NEMP1: variants seen among roughly 807,000 people sequenced by gnomAD.
NEMP1 encodes the protein transmembrane protein 194.
Under a neutral mutation model 53.7 loss-of-function variants are expected in NEMP1, and 29 were observed. The observed-to-expected ratio is 0.54, with a 90% confidence interval of 0.40 to 0.74. NEMP1 has a LOEUF of 0.74. Ranked by LOEUF, NEMP1 falls within the 30% of genes least tolerant of loss-of-function variation. NEMP1 has a pLI of 0.00. For synonymous variants in NEMP1, 193 were observed against 192.9 expected (o/e 1.00, Z 0.00); for missense variants, 477 against 528.6 (o/e 0.90, Z 0.96).
At position 57,060,964 on chromosome 12, in the gene NEMP1, C is replaced by A. The variant is rs778102607; in HGVS notation, c.981-19G>T. 6.2e-7 allele frequency: 1 copy of A among 1,606,876 alleles called. No individual in the cohort carries two copies. Among genetic ancestry groups the A allele is most frequent in the East Asian group, 2.2e-5 (1 of 44,850 alleles). Reference sequence around the variant, plus strand: ...CACCTTTCTGTGCTCACCAAAATAACATTATGAATCATTAATCAGTAATCT... The same window carrying A: ...CACCTTTCTGTGCTCACCAAAATAAAATTATGAATCATTAATCAGTAATCT... On this transcript the variant is annotated intron_variant, in intron 7 of 8. Transcript: ENST00000300128.
At chr12:57,073,901 C>A (rs1358526742) in intron 1 of NEMP1, among the ~76,000 whole-genome samples, 2 of 152,188 alleles carry the variant, frequency 1.3e-5, no homozygotes, top group African/African-American at 4.8e-5. Flanking sequence ...GTAAGCTAAA[C>A]TACTCCATCT....
intron 2 of NEMP1, among the ~76,000 whole-genome samples, chr12:57,072,524 C>CA (rs2032402896): frequency 6.6e-6 from 1 of 152,210 alleles, no homozygotes; most frequent in South Asian, 2.1e-4. Flanking sequence ...GACAAGAAAA[C>CA]AAAGCAGTTT....
intron 1 of NEMP1, among the ~76,000 whole-genome samples, chr12:57,077,264 G>A (rs1440451109): frequency 6.6e-6 from 1 of 151,280 alleles, no homozygotes; most frequent in Non-Finnish European, 1.5e-5. Context: ...CCTGGGAGGC[G>A]GAGCTTGCAG....
rs1417324379 is a variant in NEMP1 at position 57,059,793 on chromosome 12, T to C, written c.*86A>G. The C allele has an allele frequency of 1.6e-6, 2 of 1,251,062 alleles. No individual in the cohort carries two copies. Among genetic ancestry groups the C allele is most frequent in the Non-Finnish European group, 2.2e-6 (2 of 893,214 alleles). 77.5% of individuals were successfully genotyped at this position (1,251,062 alleles called of 1,614,324 possible). ...TTTCTACCCTATCTATCTCACTCTGTTTCAAAGGGTTGAAAGCAATTGCAC... is the reference window on the plus strand; with the variant it reads ...TTTCTACCCTATCTATCTCACTCTGCTTCAAAGGGTTGAAAGCAATTGCAC... On this transcript the variant is annotated 3_prime_UTR_variant, in exon 9 of 9. Transcript: ENST00000300128.
At position 57,061,093 on chromosome 12, in the gene NEMP1, T is replaced by C; in HGVS notation, c.981-148A>G. ...TAAAAATTCCATGGACATCTTTAGTTATAATGAACTCCTGATACATTAGAC... is the reference window on the plus strand; with the variant it reads ...TAAAAATTCCATGGACATCTTTAGTCATAATGAACTCCTGATACATTAGAC... On this transcript the variant is annotated intron_variant, in intron 7 of 8. Transcript: ENST00000300128. The C allele has an allele frequency of 4.2e-6, 3 of 712,900 alleles. No homozygotes were observed. In the South Asian group the frequency reaches 6.2e-5, roughly 15 times the overall value. 44.2% of individuals were successfully genotyped at this position (712,900 alleles called of 1,614,324 possible).
chr12:57,085,825 T>C (rs953826845), intron 1 of NEMP1, among the ~76,000 whole-genome samples: 2 of 152,202 alleles, frequency 1.3e-5, no homozygotes, highest in African/African-American at 4.8e-5. Flanking sequence ...GGAAAACAAA[T>C]GTCTTCACTT....
chr12:57,084,926 T>C (rs2032947667), intron 1 of NEMP1, among the ~76,000 whole-genome samples: 1 of 152,194 alleles, frequency 6.6e-6, no homozygotes, highest in Non-Finnish European at 1.5e-5. Flanking sequence ...TAGTGGACAA[T>C]AATAGATTGG....
At chr12:57,085,381 C>T (rs2032962240) in intron 1 of NEMP1, among the ~76,000 whole-genome samples, 1 of 152,134 alleles carries the variant, frequency 6.6e-6, no homozygotes, top group Non-Finnish European at 1.5e-5. Flanking sequence ...TCATCACCTC[C>T]TTTGGATGCC....
In NEMP1 at chr12:57,085,599, T is replaced by C. The variant is rs74093953; in HGVS notation, n.113+2352A>G. 1.8e-3 allele frequency among the ~76,000 whole-genome samples: 270 copies of C among 152,342 alleles called. 1 individual carries two copies. The highest frequency in any genetic ancestry group is 6.4e-3 in the African/African-American group (264 of 41,558). On this transcript the variant is annotated intron_variant and non_coding_transcript_variant, in intron 1 of 2. Coordinates refer to the NEMP1 transcript ENST00000553654. The stretch of plus-strand genomic sequence containing the variant: ...AAACATTTCTTGTAAAATAACTAAC[T>C]TGAAGGACAACATTCCTTAGATGAT...
In NEMP1 at chr12:57,064,927, A is replaced by C. The variant is rs7315594; in HGVS notation, c.546-188T>G. 5.8e-4 allele frequency among the ~76,000 whole-genome samples: 89 copies of C among 152,342 alleles called. No homozygotes were observed. The South Asian group carries it at 0.011, about 18-fold the overall frequency. ...ACCAAATATTGCAATTGCAGTAAGT[A>C]AGTCACACAAATTTTTTGGTTTCCC... is the stretch of plus-strand genomic sequence containing the variant. On this transcript the variant is annotated intron_variant, in intron 4 of 8. Transcript: ENST00000300128.
chr12:57,062,543 G>A (rs1341352742), intron 7 of NEMP1, among the ~76,000 whole-genome samples: 1 of 151,748 alleles, frequency 6.6e-6, no homozygotes, highest in Non-Finnish European at 1.5e-5. Flanking sequence ...TACAATTTGT[G>A]GCGGGGCGCA....
intron 1 of NEMP1, among the ~76,000 whole-genome samples, chr12:57,075,689 A>C (rs1488933744): frequency 1.3e-5 from 2 of 150,628 alleles, no homozygotes; most frequent in African/African-American, 4.9e-5. Flanking sequence ...AAATAAGGCC[A>C]GGCACGGTGG....
At chr12:57,063,455 C>T (rs1189604543) in intron 6 of NEMP1, 111 bp from the exon 7 acceptor site, 1 of 784,744 alleles carries the variant, frequency 1.3e-6, no homozygotes, top group South Asian at 1.9e-5. Flanking sequence ...ACTAGGAAAT[C>T]AGATTTTTAC....
Position 57,063,153 on chromosome 12 carries a change from C to G in NEMP1, c.946G>C (p.Glu316Gln), listed in dbSNP as rs1329556425. Residue 316 changes from glutamate to glutamine, a missense_variant, in exon 7 of 9, where the codon GAA becomes CAA. Glu to Gln is a conservative substitution (Grantham distance 29). Transcript: ENST00000300128. ...ATGTACAGCCACTGAATAGGGTGTT[C>G]CAGGTTCTTAGTACAAAGAGCAATG... ...IIIALCTKNL[E>Q]HPIQWLYITC... 6.8e-6 allele frequency: 11 copies of G among 1,614,050 alleles called. 1 individual carries two copies. The highest frequency in any genetic ancestry group is 8.5e-6 in the Non-Finnish European group (10 of 1,179,976).
chr12:57,085,945 C>T lies in NEMP1; in HGVS notation n.113+2006G>A, dbSNP rs534630717. 2.0e-5 allele frequency among the ~76,000 whole-genome samples: 3 copies of T among 152,318 alleles called. No individual in the cohort carries two copies. In the South Asian group the frequency reaches 6.2e-4, roughly 32 times the overall value. ...ATCAATTTATTCATTTCAGAGGGTC[C>T]ACCAGATAACAGGCCTATCCTGGAG... On this transcript the variant is annotated intron_variant and non_coding_transcript_variant, in intron 1 of 2. Transcript: ENST00000553654.
intron 2 of NEMP1, among the ~76,000 whole-genome samples, chr12:57,071,148 A>G (rs2032326107): frequency 1.3e-5 from 2 of 152,254 alleles, no homozygotes. Context: ...AGGGCAGAAC[A>G]TAGAGGGAAA....
At chr12:57,060,567 T>C (rs970082662) in intron 8 of NEMP1, among the ~76,000 whole-genome samples, 14 of 152,234 alleles carry the variant, frequency 9.2e-5, no homozygotes, top group Admixed American at 3.3e-4. Context: ...ATCTTAATGC[T>C]ACAATCAAAG....
Position 57,078,678 on chromosome 12 carries a change from C to T in NEMP1, c.68G>A (p.Gly23Glu). ...GAGTAGCCGCACTGTCCCACCGCCC[C>T]CGACTCCCGAGCCCCAGGGCCCGGG... ...VGPGPWGSGV[G>E]GGGTVRLLLI... The change falls in exon 1 of 9, where the codon GGG becomes GAG. Residue 23 changes from glycine (G) to glutamate (E), a missense_variant. Coordinates refer to ENST00000300128, the MANE Select transcript of NEMP1 (RefSeq NM_001130963.2). The T allele has an allele frequency of 6.2e-7, 1 of 1,613,658 alleles. No individual in the cohort carries two copies. Among genetic ancestry groups the T allele is most frequent in the Non-Finnish European group, 8.5e-7 (1 of 1,179,790 alleles).
upstream of NEMP1, among the ~76,000 whole-genome samples, chr12:57,080,349 C>T (rs942141157): frequency 9.3e-5 from 14 of 150,702 alleles, no homozygotes; most frequent in Non-Finnish European, 1.5e-4. Context: ...GAGTCCGAGG[C>T]GGGTGGATCA....
Sources: gnomAD v4.1 joint callset for allele counts (sites outside exome capture counted in the v4.1 genomes callset) on GRCh38, gnomAD v4.1.1 for gene constraint, MANE v1.5 for transcripts, NCBI Gene and HGNC (gene_info 2026-07-23, HGNC 2026-07-21) for gene names.